REDIC1: variants seen among roughly 807,000 people sequenced by gnomAD.
The protein encoded by REDIC1 is regulator of DNA class I crossover intermediates 1.
chr12:39,818,023 AAC>A, the REDIC1 span, among the ~76,000 whole-genome samples: 1 of 152,152 alleles, frequency 6.6e-6, no homozygotes, highest in African/African-American at 2.4e-5. Flanking sequence ...TCTTTATGGT[AAC>A]ACTTTCCAGC....
At chr12:39,875,943 C>T in the REDIC1 span, among the ~76,000 whole-genome samples, 1 of 152,176 alleles carries the variant, frequency 6.6e-6, no homozygotes, top group Non-Finnish European at 1.5e-5. Flanking sequence ...TGCACAAAGG[C>T]ATAAGGGAAC....
chr12:39,769,806 A>G, the REDIC1 span, among the ~76,000 whole-genome samples: 2 of 151,980 alleles, frequency 1.3e-5, no homozygotes, highest in South Asian at 4.1e-4. Flanking sequence ...CCAGAAGTTT[A>G]TACTCACGAG....
At chr12:39,873,410 C>T in the REDIC1 span, among the ~76,000 whole-genome samples, 5 of 152,166 alleles carry the variant, frequency 3.3e-5, no homozygotes, top group Admixed American at 2.0e-4. Context: ...CTACCATATA[C>T]ATTTTCATAA....
the REDIC1 span, chr12:39,764,906 G>A: frequency 1.3e-6 from 2 of 1,582,860 alleles, no homozygotes; most frequent in Non-Finnish European, 8.6e-7. Context: ...TTTGACTACA[G>A]TTGCAGAAAT....
At chr12:39,897,186 T>A in the REDIC1 span, among the ~76,000 whole-genome samples, 2 of 152,154 alleles carry the variant, frequency 1.3e-5, no homozygotes, top group Non-Finnish European at 2.9e-5. Flanking sequence ...TAGGACTCAA[T>A]CTTTCCATCC....
the REDIC1 span, among the ~76,000 whole-genome samples, chr12:39,891,115 T>A: frequency 2.0e-4 from 25 of 123,738 alleles, no homozygotes; most frequent in African/African-American, 7.3e-4. Context: ...AAGTTTCAAA[T>A]ATACCTTTTT....
chr12:39,783,729 A>T, the REDIC1 span, among the ~76,000 whole-genome samples: 3 of 152,076 alleles, frequency 2.0e-5, no homozygotes, highest in East Asian at 5.8e-4. Flanking sequence ...GTTTTCTTGT[A>T]AATTTGTTTG....
the REDIC1 span, among the ~76,000 whole-genome samples, chr12:39,771,895 C>A: frequency 1.3e-5 from 2 of 152,098 alleles, no homozygotes; most frequent in South Asian, 4.2e-4. Context: ...ATTTTCTGAA[C>A]CTACAGTCTA....
the REDIC1 span, among the ~76,000 whole-genome samples, chr12:39,711,733 G>A: frequency 4.4e-4 from 52 of 119,306 alleles, 2 homozygotes; most frequent in African/African-American, 1.3e-3. Context: ...ACATGCATGT[G>A]TGTATGTGTG....
the REDIC1 span, among the ~76,000 whole-genome samples, chr12:39,877,502 C>T: frequency 3.3e-5 from 5 of 152,102 alleles, no homozygotes; most frequent in Admixed American, 2.0e-4. Flanking sequence ...ACAGCCAAAC[C>T]GTATCAATAA....
the REDIC1 span, chr12:39,683,206 T>C: frequency 1.4e-6 from 2 of 1,422,226 alleles, no homozygotes; most frequent in Non-Finnish European, 1.9e-6. Flanking sequence ...GTATATATAT[T>C]TGTATATTCA....
At chr12:39,635,186 C>T in the REDIC1 span, among the ~76,000 whole-genome samples, 1 of 152,162 alleles carries the variant, frequency 6.6e-6, no homozygotes, top group African/African-American at 2.4e-5. Flanking sequence ...CACTTTTACA[C>T]TGTTGGTGGG....
At chr12:39,698,904 A>G in the REDIC1 span, among the ~76,000 whole-genome samples, 1 of 152,160 alleles carries the variant, frequency 6.6e-6, no homozygotes, top group Non-Finnish European at 1.5e-5. Context: ...ACCACAAATA[A>G]ACACCTTAGC....
chr12:39,727,108 T>C, the REDIC1 span, among the ~76,000 whole-genome samples: 1 of 152,154 alleles, frequency 6.6e-6, no homozygotes, highest in South Asian at 2.1e-4. Flanking sequence ...TCTCCCATTC[T>C]GTAGGTTGCC....
At chr12:39,822,150 A>C in the REDIC1 span, among the ~76,000 whole-genome samples, 1 of 140,366 alleles carries the variant, frequency 7.1e-6, no homozygotes, top group South Asian at 2.3e-4. Flanking sequence ...ATTCCCACCT[A>C]TGAGTGAGAA....
At chr12:39,748,812 A>C in the REDIC1 span, among the ~76,000 whole-genome samples, 8 of 152,228 alleles carry the variant, frequency 5.3e-5, no homozygotes, top group African/African-American at 1.9e-4. Context: ...CCTGCTCCTG[A>C]ATGACTACTG....
At chr12:39,812,368 TTTTCTTTTCTTTTC>T in the REDIC1 span, among the ~76,000 whole-genome samples, 23 of 125,320 alleles carry the variant, frequency 1.8e-4, no homozygotes, top group East Asian at 1.2e-3. Flanking sequence ...TTTTCTTTTC[TTTTCTTTTCTTTTC>T]TTTCTTTCTC....
At chr12:39,711,771 G>GCACATGCATGTGTATGTGTGTGTA in the REDIC1 span, among the ~76,000 whole-genome samples, 4,554 of 101,878 alleles carry the variant, frequency 0.045, 280 homozygotes, top group East Asian at 0.14. Flanking sequence ...ATGTGTGTGT[G>GCACATGCATGTGTATGTGTGTGTA]CACATGCATG....
chr12:39,640,338 G>A, the REDIC1 span, among the ~76,000 whole-genome samples: 1 of 151,896 alleles, frequency 6.6e-6, no homozygotes, highest in Non-Finnish European at 1.5e-5. Context: ...ATCTGTTGGT[G>A]CCTTGATCTT....
Sources: gnomAD v4.1 joint callset for allele counts (sites outside exome capture counted in the v4.1 genomes callset) on GRCh38, gnomAD v4.1.1 for gene constraint, MANE v1.5 for transcripts, NCBI Gene and HGNC (gene_info 2026-07-23, HGNC 2026-07-21) for gene names.